The following SEL1L2 variants were observed in gnomAD, a reference collection of about 807,000 sequenced individuals.
SEL1L2 encodes protein sel-1 homolog 2.
A neutral mutation model predicts 98.8 loss-of-function variants in SEL1L2; 89 were observed. The ratio of observed to expected loss-of-function variants is 0.90; its 90% CI spans 0.76 to 1.07. The LOEUF (loss-of-function observed/expected upper bound fraction) is 1.07. Ranked by LOEUF, SEL1L2 falls within the 50% of genes least tolerant of loss-of-function variation. The pLI, the probability that SEL1L2 is intolerant of heterozygous loss-of-function variation, is 0.00. For missense variants in SEL1L2, 788 were observed against 812.0 expected, an observed-to-expected ratio of 0.97 and a Z score of 0.36; for synonymous variants, 262 against 278.5, an observed-to-expected ratio of 0.94 and a Z score of 0.59.
chr20:13,923,283 T>A (rs1244628112), intron 3 of SEL1L2, among the ~76,000 whole-genome samples: 1 of 152,264 alleles, frequency 6.6e-6, no homozygotes, highest in African/African-American at 2.4e-5. Context: ...AAACAACGTT[T>A]AGAAGTGTTT....
chr20:13,869,591 C>T lies in SEL1L2; in HGVS notation c.1168-1G>A, dbSNP rs1265980735. On this transcript the variant is annotated splice_acceptor_variant, in intron 13 of 19. Coordinates refer to ENST00000284951, the MANE Select transcript of SEL1L2 (RefSeq NM_025229.2). LOFTEE classifies it high-confidence loss of function. ...AGTATTTAAGTGCTTCGGCATAATT[C>T]TGCAAGATAATTACACTCTATTACT... The T allele has an allele frequency of 6.2e-7, 1 of 1,613,148 alleles. No individual in the cohort carries two copies. Among genetic ancestry groups the T allele is most frequent in the Non-Finnish European group, 8.5e-7 (1 of 1,179,134 alleles).
chr20:13,978,889 C>T (rs2051676087), intron 1 of SEL1L2, among the ~76,000 whole-genome samples: 1 of 151,884 alleles, frequency 6.6e-6, no homozygotes, highest in Non-Finnish European at 1.5e-5. Flanking sequence ...CAAAACCCCG[C>T]CTCTACTAAG....
At chr20:13,875,950 G>T in intron 12 of SEL1L2, 88 bp downstream of exon 12, 2 of 1,002,470 alleles carry the variant, frequency 2.0e-6, no homozygotes, top group Non-Finnish European at 3.2e-6. Context: ...CTGGGCTTGG[G>T]ACTTCGAAGT....
chr20:13,863,736 C>T (rs1990537326), intron 17 of SEL1L2, among the ~76,000 whole-genome samples: 1 of 152,086 alleles, frequency 6.6e-6, no homozygotes, highest in African/African-American at 2.4e-5. Context: ...CTTTGGGAAG[C>T]CGAGGCAGGC....
At chr20:13,965,835 C>T (rs185377437) in intron 1 of SEL1L2, among the ~76,000 whole-genome samples, 8 of 152,016 alleles carry the variant, frequency 5.3e-5, no homozygotes, top group African/African-American at 7.2e-5. Flanking sequence ...CGCCTGTAGT[C>T]CCAGCTACTC....
intron 1 of SEL1L2, among the ~76,000 whole-genome samples, chr20:13,977,789 G>A (rs2051617452): frequency 6.6e-6 from 1 of 152,024 alleles, no homozygotes; most frequent in South Asian, 2.1e-4. Context: ...AGTAGTAATT[G>A]TTTGATACAG....
At chr20:13,930,470 A>T (rs1041413777) in intron 3 of SEL1L2, among the ~76,000 whole-genome samples, 1 of 152,220 alleles carries the variant, frequency 6.6e-6, no homozygotes, top group African/African-American at 2.4e-5. Flanking sequence ...CTACGCCTTT[A>T]GAAATAAATA....
At chr20:13,969,106 T>A (rs1600974873) in intron 1 of SEL1L2, among the ~76,000 whole-genome samples, 1 of 152,206 alleles carries the variant, frequency 6.6e-6, no homozygotes, top group African/African-American at 2.4e-5. Context: ...AAGTTTCCAC[T>A]TAGGGTTGTG....
chr20:13,965,502 C>G (rs1308278911), intron 1 of SEL1L2, among the ~76,000 whole-genome samples: 1 of 152,178 alleles, frequency 6.6e-6, no homozygotes, highest in East Asian at 1.9e-4. Context: ...GAGGAAAGCA[C>G]AGCGTAAATC....
At chr20:13,907,944 ATACT>A (rs1416347331) in intron 5 of SEL1L2, among the ~76,000 whole-genome samples, 2 of 148,754 alleles carry the variant, frequency 1.3e-5, no homozygotes, top group Admixed American at 6.8e-5. Flanking sequence ...CTCCTGGCTA[ATACT>A]TACTTATTTA....
intron 12 of SEL1L2, among the ~76,000 whole-genome samples, chr20:13,871,540 C>G (rs1360245344): frequency 2.7e-5 from 4 of 150,840 alleles, no homozygotes; most frequent in African/African-American, 9.8e-5. Flanking sequence ...GAGACGGAGT[C>G]TCACTCTGTT....
chr20:13,947,404 G>C (rs1387182630), intron 2 of SEL1L2, among the ~76,000 whole-genome samples: 3 of 152,118 alleles, frequency 2.0e-5, no homozygotes, highest in Non-Finnish European at 4.4e-5. Context: ...TCTCCAGTAA[G>C]AGCTGTGTTC....
intron 2 of SEL1L2, 82 bp from the exon 3 acceptor site, chr20:13,931,853 T>C: frequency 7.6e-6 from 9 of 1,186,560 alleles, no homozygotes; most frequent in Non-Finnish European, 1.0e-5. Flanking sequence ...AAAATTCATA[T>C]ATTCATGGCA....
At chr20:13,897,224 G>A (rs2047462072) in intron 5 of SEL1L2, among the ~76,000 whole-genome samples, 1 of 152,130 alleles carries the variant, frequency 6.6e-6, no homozygotes, top group Admixed American at 6.6e-5. Context: ...GAATGTAGTT[G>A]GACCCTTACT....
At chr20:13,991,744 G>A (rs961147008), upstream of SEL1L2, among the ~76,000 whole-genome samples, 1 of 152,318 alleles carries the variant, frequency 6.6e-6, no homozygotes, top group Middle Eastern at 3.4e-3. Context: ...TGTAATCCCA[G>A]CACTTTGGGA....
rs552698198 is a variant in SEL1L2, at chr20:13,982,852, C to T, written c.58+7625G>A. On this transcript the variant is annotated intron_variant, in intron 1 of 19. Coordinates refer to ENST00000284951, the MANE Select transcript of SEL1L2 (RefSeq NM_025229.2). Reference sequence around the variant, plus strand: ...CATCCTGGCCAACATAGTGAAACCCCGTCTCTACTAAAAATACAAAAATTA... The same window carrying T: ...CATCCTGGCCAACATAGTGAAACCCTGTCTCTACTAAAAATACAAAAATTA... 1.3e-4 allele frequency among the ~76,000 whole-genome samples: 19 copies of T among 150,888 alleles called. No individual in the cohort carries two copies. The East Asian group carries it at 3.3e-3, about 26-fold the overall frequency.
Position 13,887,842 on chromosome 20 carries a change from T to A in SEL1L2, c.672A>T (p.Arg224Ser). ...NMMSQMILGYRYLSGINVLQN... is the reference protein window; with the variant it reads ...NMMSQMILGYSYLSGINVLQN... ...GTAGAACATTGATTCCCGACAAATA[T>A]CTGTACCCCTAAAACACAGACAGAT... is the stretch of plus-strand genomic sequence containing the variant. Residue 224 changes from arginine to serine, a missense_variant, in exon 8 of 20, where the codon AGA becomes AGT. By Grantham distance (110) the Arg-to-Ser change is moderately radical (BLOSUM62 -1). Transcript: ENST00000284951. The A allele has an allele frequency of 6.2e-7, 1 of 1,613,256 alleles. No individual in the cohort carries two copies. The highest frequency in any genetic ancestry group is 1.3e-5 in the African/African-American group (1 of 75,026).
intron 14 of SEL1L2, 70 bp downstream of exon 14, chr20:13,869,433 G>T: frequency 8.7e-7 from 1 of 1,153,916 alleles, no homozygotes. Context: ...TTTGATGTTT[G>T]TTATAAAAGA....
chr20:13,993,358 C>T (rs1158494822), upstream of SEL1L2, among the ~76,000 whole-genome samples: 1 of 152,052 alleles, frequency 6.6e-6, no homozygotes, highest in Non-Finnish European at 1.5e-5. Flanking sequence ...TGGAGCCATT[C>T]GAAGAGATGG....
Sources: allele counts gnomAD v4.1 joint callset (sites outside exome capture counted in the v4.1 genomes callset), GRCh38; gene constraint gnomAD v4.1.1; transcripts MANE v1.5; gene names NCBI Gene and HGNC (gene_info 2026-07-23, HGNC 2026-07-21).